Variants in CLUL1 observed in about 807,000 individuals in gnomAD.
CLUL1 encodes the protein clusterin-like protein 1.
Under a neutral mutation model 49.4 loss-of-function variants are expected in CLUL1, and 43 were observed. The ratio of observed to expected loss-of-function variants is 0.87; its 90% CI spans 0.68 to 1.12. The LOEUF (loss-of-function observed/expected upper bound fraction) is 1.12, where lower values mean the gene tolerates loss of function less well. Ranked by LOEUF, CLUL1 falls within the 50% of genes most tolerant of loss-of-function variation. The probability of loss-of-function intolerance (pLI) is 0.00; values close to 1 mark genes in which losing one functional copy is unlikely to be tolerated. For synonymous variants in CLUL1, 192 were observed against 184.9 expected (o/e 1.04, Z -0.31); for missense variants, 486 against 544.4 (o/e 0.89, Z 1.07).
At chr18:625,348 C>A (rs540603907) in intron 5 of CLUL1, among the ~76,000 whole-genome samples, 37 of 152,210 alleles carry the variant, frequency 2.4e-4, no homozygotes, top group Admixed American at 2.2e-3. Context: ...TATTTGTCTT[C>A]ACTTATGCAT....
At chr18:626,882 A>G (rs982554386) in intron 5 of CLUL1, among the ~76,000 whole-genome samples, 11 of 232 alleles carry the variant, frequency 0.047, no homozygotes, top group Non-Finnish European at 0.25. Flanking sequence ...AAAGAAAGAA[A>G]GAAAGAAAGA....
intron 2 of CLUL1, chr18:612,929 A>T (rs922183002): frequency 5.2e-6 from 1 of 193,276 alleles, no homozygotes; most frequent in Non-Finnish European, 1.1e-5. Context: ...GGAAATTTTA[A>T]ATGTACTTGA....
intron 1 of CLUL1, among the ~76,000 whole-genome samples, chr18:601,368 C>T (rs1408081258): frequency 2.6e-5 from 4 of 152,070 alleles, no homozygotes; most frequent in South Asian, 2.1e-4. Context: ...ACTGGCCGGG[C>T]GCGGTGGCTC....
At position 597,090 on chromosome 18, in the gene CLUL1, C is replaced by T. The variant is rs2072671245; in HGVS notation, c.-175C>T. 6.5e-6 allele frequency: 1 copy of T among 152,748 alleles called. No homozygotes were observed. The highest frequency in any genetic ancestry group is 6.5e-5 in the Admixed American group (1 of 15,290). The allele number at this position is 152,748 out of a possible 1,614,324, so 9.5% of individuals were successfully genotyped here. On this transcript the variant is annotated 5_prime_UTR_variant, in exon 1 of 10. Transcript: ENST00000692774. The stretch of plus-strand genomic sequence containing the variant: ...GACTTCCAGCCGGTGGCACAGACGC[C>T]TCCAGGGGGCAGCACTCAAGCGCAT...
rs1190227104 is a variant in CLUL1, at chr18:606,626, C to T, written c.-135-352C>T. On this transcript the variant is annotated intron_variant, in intron 1 of 9. Coordinates refer to ENST00000692774, the MANE Select transcript of CLUL1 (RefSeq NM_001393344.1). This position sits in a 1 kb window ranked among gnomAD's most constrained non-coding sequence, Gnocchi z 4.1. ...AAGCCTGGCTTTCTCACCCAGGGCTCGCCCCAGAACAACCACCGGCTTCTT... is the reference window on the plus strand; with the variant it reads ...AAGCCTGGCTTTCTCACCCAGGGCTTGCCCCAGAACAACCACCGGCTTCTT... Among the ~76,000 whole-genome samples, 1 of 152,096 alleles carries T rather than the reference C, an allele frequency of 6.6e-6. No homozygotes were observed. Among genetic ancestry groups the T allele is most frequent in the Non-Finnish European group, 1.5e-5 (1 of 68,030 alleles).
Position 624,935 on chromosome 18 carries a change from T to C in CLUL1, c.326T>C (p.Leu109Ser). ...EEEERLCRES[L>S]ADSWGECRSC... ...GAAGAAAGGCTATGCCGGGAGTCTT[T>C]GGCAGATTCCTGGGGTGAATGCAGG... Residue 109 changes from leucine to serine, a missense_variant, in exon 5 of 10, where the codon TTG becomes TCG. Physicochemically the swap from Leu to Ser is moderately radical, Grantham distance 145. Coordinates refer to ENST00000692774, the MANE Select transcript of CLUL1 (RefSeq NM_001393344.1). 1 of 1,614,186 alleles carries C rather than the reference T, an allele frequency of 6.2e-7. No homozygotes were observed. Among genetic ancestry groups the C allele is most frequent in the Non-Finnish European group, 8.5e-7 (1 of 1,180,004 alleles).
intron 7 of CLUL1, among the ~76,000 whole-genome samples, chr18:636,890 G>T (rs929033484): frequency 6.6e-6 from 1 of 151,910 alleles, no homozygotes; most frequent in Non-Finnish European, 1.5e-5. Flanking sequence ...GCCTCCCAAA[G>T]TGCTGGGATT....
chr18:647,922 T>C (rs1218265096), intron 9 of CLUL1, among the ~76,000 whole-genome samples: 1 of 152,198 alleles, frequency 6.6e-6, no homozygotes, highest in East Asian at 1.9e-4. Context: ...GTACCACCGT[T>C]CTAGGGTTTT....
chr18:648,531 C>T (rs1400734231), intron 9 of CLUL1, among the ~76,000 whole-genome samples: 1 of 151,884 alleles, frequency 6.6e-6, no homozygotes, highest in Non-Finnish European at 1.5e-5. Context: ...TTCTTAGATT[C>T]CAAGAAATAG....
intron 4 of CLUL1, among the ~76,000 whole-genome samples, chr18:619,578 G>A (rs974980253): frequency 7.2e-5 from 11 of 152,052 alleles, no homozygotes; most frequent in African/African-American, 2.7e-4. Context: ...GGAATCTGGG[G>A]GATTCATCTC....
rs113892543 is a variant in CLUL1 at position 635,693 on chromosome 18, C to T, written c.994+2258C>T. 5.1e-3 allele frequency among the ~76,000 whole-genome samples: 773 copies of T among 152,212 alleles called. 8 individuals are homozygous for T. Among genetic ancestry groups the T allele is most frequent in the African/African-American group, 0.017 (703 of 41,510 alleles). On this transcript the variant is annotated intron_variant, in intron 7 of 9. Transcript: ENST00000692774. ...TCCTGCCCCTCCCTTGGCTTTCTCT[C>T]CTCAATCTAACAGTGAGCAAGTTGC...
chr18:644,844 A>T lies in CLUL1; in HGVS notation c.1210-66A>T, dbSNP rs1010509875. 10 of 1,271,298 alleles carry T rather than the reference A, an allele frequency of 7.9e-6. No individual in the cohort carries two copies. The African/African-American group carries it at 1.5e-4, about 19-fold the overall frequency. 78.8% of individuals were successfully genotyped at this position (1,271,298 alleles called of 1,614,324 possible). The stretch of plus-strand genomic sequence containing the variant: ...CCCAGCCTATCCTGACTAAGGTGGT[A>T]TTAAATTACTATTGAATGTGTATTG... On this transcript the variant is annotated intron_variant, in intron 8 of 9. Coordinates refer to ENST00000692774, the MANE Select transcript of CLUL1 (RefSeq NM_001393344.1).
At chr18:626,185 T>C (rs1043473231) in intron 5 of CLUL1, among the ~76,000 whole-genome samples, 1 of 152,206 alleles carries the variant, frequency 6.6e-6, no homozygotes. Flanking sequence ...CCATCTTGGC[T>C]TACTGCAGCC....
chr18:631,345 T>C (rs1053351694), intron 6 of CLUL1, among the ~76,000 whole-genome samples: 3 of 148,690 alleles, frequency 2.0e-5, no homozygotes, highest in South Asian at 2.2e-4. Context: ...ACAGATGAGA[T>C]TGAGTTCTAC....
chr18:649,899 T>C lies in CLUL1; in HGVS notation c.1399T>C (p.Ter467GlnextTer11). ...QHFKEHFKTW[*>Q] Reference sequence around the variant, plus strand: ...GCTGCCTTTTTTTTTTTTTTTAAGGTAAGAAGATCTAATGCATCCTATATC... The same window carrying C: ...GCTGCCTTTTTTTTTTTTTTTAAGGCAAGAAGATCTAATGCATCCTATATC... Residue 467 changes from the stop codon to glutamine, a stop_lost and splice_region_variant, in exon 10 of 10, where the codon TAA (stop) becomes CAA (glutamine). Coordinates refer to ENST00000692774, the MANE Select transcript of CLUL1 (RefSeq NM_001393344.1). 7.4e-7 allele frequency: 1 copy of C among 1,348,016 alleles called. No individual in the cohort carries two copies. Among genetic ancestry groups the C allele is most frequent in the Non-Finnish European group, 1.0e-6 (1 of 953,228 alleles). 83.5% of individuals were successfully genotyped at this position (1,348,016 alleles called of 1,614,324 possible). A position where few individuals can be genotyped will look rare whatever the true frequency, so the allele number is the denominator to read the frequency against.
At chr18:619,497 T>A (rs2073421231) in intron 4 of CLUL1, 136 bp downstream of exon 4, 5 of 851,686 alleles carry the variant, frequency 5.9e-6, no homozygotes, top group Non-Finnish European at 8.7e-6. Flanking sequence ...TGAGGAAAAG[T>A]TTAAGGGAAG....
rs1033915590 is a variant in CLUL1, at chr18:622,131, G to A, written c.256-2734G>A. On this transcript the variant is annotated intron_variant, in intron 4 of 9. Coordinates refer to ENST00000692774, the MANE Select transcript of CLUL1 (RefSeq NM_001393344.1). ...AGACAAATTATGAATTGGCAAATAT[G>A]GTGTTAGCAACCCTAGTCTCCCAGT... 1.4e-4 allele frequency among the ~76,000 whole-genome samples: 22 copies of A among 152,054 alleles called. 1 individual carries two copies. Among genetic ancestry groups the A allele is most frequent in the Admixed American group, 6.5e-5 (1 of 15,268 alleles).
intron 7 of CLUL1, among the ~76,000 whole-genome samples, chr18:636,434 C>G (rs924650912): frequency 1.1e-4 from 17 of 151,786 alleles, no homozygotes; most frequent in Non-Finnish European, 2.5e-4. Context: ...AATGTCTTTC[C>G]ATTGTGCAAA....
chr18:628,014 C>T (rs1048769307), intron 6 of CLUL1, among the ~76,000 whole-genome samples: 3 of 152,164 alleles, frequency 2.0e-5, no homozygotes, highest in South Asian at 2.1e-4. Context: ...TTAGTAGAGA[C>T]GGGGGTGTCA....
Sources: allele counts gnomAD v4.1 joint callset (sites outside exome capture counted in the v4.1 genomes callset), GRCh38; gene constraint gnomAD v4.1.1; non-coding constraint Gnocchi (gnomAD v3.1); transcripts MANE v1.5; gene names NCBI Gene and HGNC (gene_info 2026-07-23, HGNC 2026-07-21).